Variants in ADAM18 observed in about 807,000 individuals in gnomAD.
ADAM18 encodes ADAM metallopeptidase domain 18, also known as disintegrin and metalloproteinase domain-containing protein 18.
In ADAM18, 117 loss-of-function variants were observed where a neutral mutation model predicts 94.4. The observed-to-expected ratio is 1.24, with a 90% CI of 1.07 to 1.45. ADAM18 has a LOEUF of 1.45. Among genes scored for constraint, ADAM18 ranks in the 40% most tolerant of loss-of-function variants. The pLI is 0.00. For missense variants in ADAM18, 936 were observed against 880.0 expected (o/e 1.06, Z -0.81); for synonymous variants, 327 against 291.6 (o/e 1.12, Z -1.24).
chr8:39,629,341 C>G (rs753722779), intron 6 of ADAM18, 33 bp from the exon 7 acceptor site: 6 of 1,491,962 alleles, frequency 4.0e-6, no homozygotes, highest in Non-Finnish European at 4.6e-6. Flanking sequence ...TACATGTTAA[C>G]ATTTTATAAA....
intron 12 of ADAM18, 104 bp from the exon 13 acceptor site, chr8:39,663,691 C>A: frequency 3.6e-5 from 16 of 445,162 alleles, no homozygotes; most frequent in East Asian, 1.6e-4. Context: ...TATTGTATAA[C>A]TACAAGTTTG....
At chr8:39,661,570 T>G (rs1820842674) in intron 12 of ADAM18, among the ~76,000 whole-genome samples, 1 of 151,970 alleles carries the variant, frequency 6.6e-6, no homozygotes, top group South Asian at 2.1e-4. Flanking sequence ...TCTTGTTCCT[T>G]TAGGACTATT....
chr8:39,623,743 C>T (rs919398226), intron 6 of ADAM18, among the ~76,000 whole-genome samples: 1 of 151,972 alleles, frequency 6.6e-6, no homozygotes, highest in South Asian at 2.1e-4. Context: ...ACTACAGACA[C>T]CTGCCACCAT....
At chr8:39,647,608 A>C (rs1375418204) in intron 11 of ADAM18, among the ~76,000 whole-genome samples, 1 of 152,142 alleles carries the variant, frequency 6.6e-6, no homozygotes, top group African/African-American at 2.4e-5. Context: ...TCATCCCACG[A>C]GGCCATATTT....
Position 39,723,906 on chromosome 8 carries a change from C to A in ADAM18, c.2176C>A (p.Arg726Ser), listed in dbSNP as rs35441806. The change falls in exon 19 of 20, where the codon CGT becomes AGT. Residue 726 changes from arginine to serine, a missense_variant and splice_region_variant. Transcript: ENST00000265707. ...SCNRENAEYN[R>S]NSSVVSESDD... The stretch of plus-strand genomic sequence containing the variant: ...TAACAGAGAGAATGCAGAGTATAAT[C>A]GGTAAATATGATATAGAATCAATGT... 3 of 1,495,982 alleles carry A rather than the reference C, an allele frequency of 2.0e-6. No individual in the cohort carries two copies. The South Asian group carries it at 4.0e-5, about 20-fold the overall frequency. 92.7% of individuals were successfully genotyped at this position (1,495,982 alleles called of 1,614,324 possible).
chr8:39,627,526 T>C (rs374157422), intron 6 of ADAM18, among the ~76,000 whole-genome samples: 1 of 152,130 alleles, frequency 6.6e-6, no homozygotes, highest in African/African-American at 2.4e-5. Context: ...TATCTAAGAA[T>C]AGCACCTCCT....
chr8:39,678,468 T>C (rs1187337645), intron 15 of ADAM18, among the ~76,000 whole-genome samples: 1 of 152,044 alleles, frequency 6.6e-6, no homozygotes, highest in Non-Finnish European at 1.5e-5. Context: ...GATTAGTACA[T>C]GGAAAGAAGA....
intron 7 of ADAM18, among the ~76,000 whole-genome samples, chr8:39,632,929 T>A (rs112881031): frequency 0.012 from 1,830 of 152,328 alleles, 38 homozygotes; most frequent in African/African-American, 0.042. Flanking sequence ...ATAATTCATG[T>A]ATTGAAACAT....
chr8:39,621,452 C>G (rs927949514), intron 6 of ADAM18, among the ~76,000 whole-genome samples: 2 of 150,960 alleles, frequency 1.3e-5, no homozygotes, highest in African/African-American at 4.9e-5. Context: ...TTGGCATTTT[C>G]TAGTGTTTCA....
chr8:39,662,581 AAAT>A (rs2129580042), intron 12 of ADAM18, among the ~76,000 whole-genome samples: 1 of 152,322 alleles, frequency 6.6e-6, no homozygotes, highest in Non-Finnish European at 1.5e-5. Context: ...ATTTACATAC[AAAT>A]AATATTTGTT....
At chr8:39,643,162 T>C (rs1820280510) in intron 10 of ADAM18, among the ~76,000 whole-genome samples, 1 of 152,174 alleles carries the variant, frequency 6.6e-6, no homozygotes, top group Non-Finnish European at 1.5e-5. Context: ...AAATTGTTTA[T>C]CAGTTTAAGA....
intron 14 of ADAM18, among the ~76,000 whole-genome samples, chr8:39,670,059 T>C (rs1044671636): frequency 1.3e-4 from 20 of 152,334 alleles, no homozygotes; most frequent in African/African-American, 4.6e-4. Context: ...ATTTCTCTGA[T>C]GGCCAGTGAT....
chr8:39,726,150 A>G (rs1822900053), intron 19 of ADAM18, among the ~76,000 whole-genome samples: 3 of 152,018 alleles, frequency 2.0e-5, no homozygotes, highest in African/African-American at 4.8e-5. Context: ...ACCTTTTGAT[A>G]TACCTGTTAT....
Position 39,648,579 on chromosome 8 carries a change from C to G in ADAM18, c.1230+52C>G, listed in dbSNP as rs959007093. 1.3e-5 allele frequency: 20 copies of G among 1,491,654 alleles called. No individual in the cohort carries two copies. The South Asian group carries it at 1.4e-4, about 11-fold the overall frequency. 92.4% of individuals were successfully genotyped at this position (1,491,654 alleles called of 1,614,324 possible). A position where few individuals can be genotyped will look rare whatever the true frequency, so the allele number is the denominator to read the frequency against. On this transcript the variant is annotated intron_variant, in intron 12 of 19. Transcript: ENST00000265707. ...CACAATTTTTATGTTTCTGATAAAA[C>G]ATAAGACATGTTTGTCATGGTATAT...
In ADAM18 at chr8:39,706,872, G is replaced by A. The variant is rs760177758; in HGVS notation, c.1985G>A (p.Gly662Asp). The A allele has an allele frequency of 6.2e-7, 1 of 1,606,480 alleles. No individual in the cohort carries two copies. The highest frequency in any genetic ancestry group is 8.5e-7 in the Non-Finnish European group (1 of 1,174,834). The change falls in exon 18 of 20, where the codon GGT becomes GAT. Residue 662 changes from glycine (G) to aspartate (D), a missense_variant. Coordinates refer to ENST00000265707, the MANE Select transcript of ADAM18 (RefSeq NM_014237.3). ...DCKFQFGSPG[G>D]SIDDGNFQKS... ...AAATTCCAGTTTGGTTCCCCAGGGG[G>A]TAGTATTGATGATGGAAATTTTCAG...
chr8:39,666,917 T>TG (rs1179223144), intron 13 of ADAM18, among the ~76,000 whole-genome samples: 52 of 151,290 alleles, frequency 3.4e-4, no homozygotes, highest in Non-Finnish European at 5.0e-4. Flanking sequence ...GTGTGTGTGT[T>TG]TGTGTGCATG....
rs551845570 is a variant in ADAM18, at chr8:39,688,429, A to G, written c.1822-4171A>G. Among the ~76,000 whole-genome samples, 27 of 151,976 alleles carry G rather than the reference A, an allele frequency of 1.8e-4. No homozygotes were observed. In the South Asian group the frequency reaches 4.8e-3, roughly 27 times the overall value. On this transcript the variant is annotated intron_variant, in intron 16 of 19. Transcript: ENST00000265707. Reference sequence around the variant, plus strand: ...ACCCCACTGTGTGTTGTTCCCTTCTATGTGTCCATGTGTTCTCATTATTCA... The same window carrying G: ...ACCCCACTGTGTGTTGTTCCCTTCTGTGTGTCCATGTGTTCTCATTATTCA...
intron 12 of ADAM18, among the ~76,000 whole-genome samples, chr8:39,651,372 T>A (rs1003856213): frequency 2.0e-5 from 3 of 152,164 alleles, no homozygotes; most frequent in African/African-American, 7.2e-5. Context: ...GACGTTCAGG[T>A]CTTTGCCTTC....
rs550546946 is a variant in ADAM18, at chr8:39,697,302, A to G, written c.1902+4622A>G. On this transcript the variant is annotated intron_variant, in intron 17 of 19. Coordinates refer to ENST00000265707, the MANE Select transcript of ADAM18 (RefSeq NM_014237.3). ...GGTTTTCTACATATAAGACTACATT[A>G]TCTGCAAATATATTTTATGTTATTC... Among the ~76,000 whole-genome samples the G allele has an allele frequency of 3.3e-5, 5 of 151,766 alleles. No individual in the cohort carries two copies. The South Asian group carries it at 1.0e-3, about 31-fold the overall frequency.
Sources: gnomAD v4.1 joint callset for allele counts (sites outside exome capture counted in the v4.1 genomes callset) on GRCh38, gnomAD v4.1.1 for gene constraint, MANE v1.5 for transcripts, NCBI Gene and HGNC (gene_info 2026-07-23, HGNC 2026-07-21) for gene names.